CCBE1: variants seen among roughly 807,000 people sequenced by gnomAD.
CCBE1 encodes the protein collagen and calcium-binding EGF domain-containing protein 1.
In CCBE1, 37 loss-of-function variants were observed where a neutral mutation model predicts 50.0. That is an observed-to-expected ratio of 0.74 (90% CI 0.57 to 0.97). The LOEUF is 0.97. Among genes scored for constraint, CCBE1 ranks in the 50% least tolerant of loss-of-function variants. The pLI is 0.00. For missense variants in CCBE1, 538 were observed against 523.8 expected (o/e 1.03, Z -0.26); for synonymous variants, 234 against 203.7 (o/e 1.15, Z -1.27).
intron 2 of CCBE1, among the ~76,000 whole-genome samples, chr18:59,683,878 C>G (rs1349127520): frequency 6.6e-6 from 1 of 151,870 alleles, no homozygotes; most frequent in African/African-American, 2.4e-5. Context: ...CACCTCACCC[C>G]CTACATCAGT....
At chr18:59,584,105 G>A (rs1226014155) in intron 2 of CCBE1, among the ~76,000 whole-genome samples, 1 of 152,022 alleles carries the variant, frequency 6.6e-6, no homozygotes, top group Non-Finnish European at 1.5e-5. Context: ...CAACCCAAAT[G>A]TCCAACAATG....
chr18:59,511,510 A>G (rs1340935840), intron 2 of CCBE1, among the ~76,000 whole-genome samples: 1 of 152,248 alleles, frequency 6.6e-6, no homozygotes, highest in Non-Finnish European at 1.5e-5. Context: ...TTATGGATAC[A>G]CAGCAGATGT....
rs1384331418 is a variant in CCBE1 at position 59,434,275 on chromosome 18, T to A, written c.*1633A>T. 1 of 151,940 alleles carries A rather than the reference T, an allele frequency of 6.6e-6. No individual in the cohort carries two copies. Among genetic ancestry groups the A allele is most frequent in the African/African-American group, 2.4e-5 (1 of 41,330 alleles). The allele number at this position is 151,940 out of a possible 1,614,324, so 9.4% of individuals were successfully genotyped here. A position where few individuals can be genotyped will look rare whatever the true frequency, so the allele number is the denominator to read the frequency against. On this transcript the variant is annotated 3_prime_UTR_variant, in exon 11 of 11. Transcript: ENST00000439986. ...TGGAGGCAAAAAAGCCAAAAAGAAA[T>A]GGGAAAGGACATGGCAGGATGGGAA...
intron 2 of CCBE1, among the ~76,000 whole-genome samples, chr18:59,694,121 C>T (rs1372355835): frequency 1.3e-5 from 2 of 152,050 alleles, no homozygotes; most frequent in East Asian, 3.9e-4. Context: ...CCACCCACCT[C>T]CGCCTCCCAA....
chr18:59,653,280 A>C (rs1264225882), intron 2 of CCBE1, among the ~76,000 whole-genome samples: 1 of 152,198 alleles, frequency 6.6e-6, no homozygotes, highest in Non-Finnish European at 1.5e-5. Flanking sequence ...AGGCTTCTCA[A>C]TGACTCTTGA....
chr18:59,534,397 A>G (rs1367193481), intron 2 of CCBE1, among the ~76,000 whole-genome samples: 2 of 152,254 alleles, frequency 1.3e-5, no homozygotes, highest in Non-Finnish European at 2.9e-5. Flanking sequence ...GGATATTATT[A>G]AAAGCATGAA....
rs374457718 is a variant in CCBE1, at chr18:59,495,208, A to C, written c.213-14970T>G. Among the ~76,000 whole-genome samples, 30 of 151,998 alleles carry C rather than the reference A, an allele frequency of 2.0e-4. 3 individuals carry two copies. The South Asian group carries it at 5.4e-3, about 27-fold the overall frequency. On this transcript the variant is annotated intron_variant, in intron 2 of 10. Coordinates refer to ENST00000439986, the MANE Select transcript of CCBE1 (RefSeq NM_133459.4). Reference sequence around the variant, plus strand: ...GATGGAGGTGTACTTTTTTTGACCTATACTTTTTCTCTGAAAAAAAAATAG... The same window carrying C: ...GATGGAGGTGTACTTTTTTTGACCTCTACTTTTTCTCTGAAAAAAAAATAG...
At chr18:59,603,942 C>A (rs930008551) in intron 2 of CCBE1, among the ~76,000 whole-genome samples, 1 of 152,178 alleles carries the variant, frequency 6.6e-6, no homozygotes, top group Non-Finnish European at 1.5e-5. Context: ...AAAAGGGATG[C>A]CTTTGTAGTG....
intron 2 of CCBE1, among the ~76,000 whole-genome samples, chr18:59,642,490 C>T (rs866338830): frequency 2.0e-5 from 3 of 152,162 alleles, no homozygotes; most frequent in African/African-American, 4.8e-5. Flanking sequence ...GAAAAACTTG[C>T]GCATGCATAC....
intron 2 of CCBE1, among the ~76,000 whole-genome samples, chr18:59,511,981 T>G (rs990484961): frequency 6.6e-6 from 1 of 152,136 alleles, no homozygotes; most frequent in Admixed American, 6.5e-5. Context: ...GGCTCATGTA[T>G]CCTTCATTTT....
rs571930455 is a variant in CCBE1, at chr18:59,455,882, G to A, written c.554-931C>T. On this transcript the variant is annotated intron_variant, in intron 5 of 10. Coordinates refer to ENST00000439986, the MANE Select transcript of CCBE1 (RefSeq NM_133459.4). ...TCTCTTCGCTTAGCAGCCCTTTGGCGTTGGGCCAGGTTTGCTCTTTGTGTG... is the reference window on the plus strand; with the variant it reads ...TCTCTTCGCTTAGCAGCCCTTTGGCATTGGGCCAGGTTTGCTCTTTGTGTG... Among the ~76,000 whole-genome samples, 5 of 152,360 alleles carry A rather than the reference G, an allele frequency of 3.3e-5. No individual in the cohort carries two copies. The South Asian group carries it at 6.2e-4, about 19-fold the overall frequency.
In CCBE1 at chr18:59,696,722, G is replaced by A. The variant is rs772642883; in HGVS notation, c.132-13C>T. Reference sequence around the variant, plus strand: ...TGAGCAGATTTCTCTATGAAAAAGTGCAGAGGAAATGTTCGATTCTCAGCG... The same window carrying A: ...TGAGCAGATTTCTCTATGAAAAAGTACAGAGGAAATGTTCGATTCTCAGCG... On this transcript the variant is annotated splice_polypyrimidine_tract_variant and intron_variant, in intron 1 of 10. Coordinates refer to ENST00000439986, the MANE Select transcript of CCBE1 (RefSeq NM_133459.4). 10 of 1,613,186 alleles carry A rather than the reference G, an allele frequency of 6.2e-6. No individual in the cohort carries two copies. The Admixed American group carries it at 6.7e-5, about 11-fold the overall frequency.
intron 2 of CCBE1, among the ~76,000 whole-genome samples, chr18:59,550,866 G>C (rs964147658): frequency 6.6e-6 from 1 of 151,502 alleles, no homozygotes; most frequent in African/African-American, 2.4e-5. Flanking sequence ...TTAACCGGGC[G>C]TGGTGGTGGG....
In CCBE1 at chr18:59,448,101, A is replaced by T. The variant is rs745398981; in HGVS notation, c.657T>A (p.Ile219=). The part of the protein sequence containing the change: ...KQTVLQLKQK[I]ALLPNNAADL... ...CAGCTGCATTGTTGGGGAGCAGAGC[A>T]ATCTGCAAGGAGAAGAGGAAGCCTC... Residue 219 remains isoleucine, a splice_region_variant and synonymous_variant, in exon 7 of 11, where the codon ATT becomes ATA. Coordinates refer to ENST00000439986, the MANE Select transcript of CCBE1 (RefSeq NM_133459.4). 6.2e-7 allele frequency: 1 copy of T among 1,613,782 alleles called. No homozygotes were observed. The highest frequency in any genetic ancestry group is 1.3e-5 in the African/African-American group (1 of 74,858).
chr18:59,682,770 G>A (rs78200848), intron 2 of CCBE1, among the ~76,000 whole-genome samples: 7,923 of 152,308 alleles, frequency 0.052, 451 homozygotes, highest in African/African-American at 0.14. Context: ...CCCTTTGATC[G>A]TCTTTACCCT....
At chr18:59,589,338 A>G (rs1461577722) in intron 2 of CCBE1, among the ~76,000 whole-genome samples, 3 of 152,240 alleles carry the variant, frequency 2.0e-5, no homozygotes, top group African/African-American at 7.2e-5. Context: ...CAAAAGCAAC[A>G]GGCCCATATG....
chr18:59,443,922 C>T (rs1910557724), intron 7 of CCBE1, among the ~76,000 whole-genome samples: 1 of 152,206 alleles, frequency 6.6e-6, no homozygotes. Flanking sequence ...CCCCTGATAA[C>T]AACCAGTCTA....
intron 2 of CCBE1, among the ~76,000 whole-genome samples, chr18:59,649,628 A>C (rs543579582): frequency 1.4e-4 from 21 of 152,370 alleles, no homozygotes; most frequent in African/African-American, 4.6e-4. Context: ...GTGGATTCCC[A>C]TTCCTCATTC....
At chr18:59,440,285 A>T (rs548106159) in intron 7 of CCBE1, among the ~76,000 whole-genome samples, 2 of 152,332 alleles carry the variant, frequency 1.3e-5, no homozygotes, top group South Asian at 2.1e-4. Context: ...TGCCTGAGCC[A>T]TCTGAGCTTT....
Sources: gnomAD v4.1 joint callset for allele counts (sites outside exome capture counted in the v4.1 genomes callset) on GRCh38, gnomAD v4.1.1 for gene constraint, MANE v1.5 for transcripts, NCBI Gene and HGNC (gene_info 2026-07-23, HGNC 2026-07-21) for gene names.